The following CDH13 variants were observed in gnomAD, a reference collection of about 807,000 sequenced individuals.
The protein encoded by CDH13 is cadherin 13.
In CDH13, 24 loss-of-function variants were observed where a neutral mutation model predicts 63.8. The ratio of observed to expected loss-of-function variants is 0.38; its 90% confidence interval spans 0.27 to 0.53. The LOEUF is 0.53. CDH13 is among the 20% of genes least tolerant of loss of function. CDH13 has a pLI of 0.85. For missense variants in CDH13, 1,049 were observed against 903.1 expected, an observed-to-expected ratio of 1.16 and a Z score of -2.07; for synonymous variants, 503 against 355.3, an observed-to-expected ratio of 1.42 and a Z score of -4.67.
chr16:83,481,614 C>T (rs1318250444), intron 6 of CDH13, among the ~76,000 whole-genome samples: 1 of 152,214 alleles, frequency 6.6e-6, no homozygotes, highest in African/African-American at 2.4e-5. Flanking sequence ...GTCAGGCTGG[C>T]GGCCGTGTCC....
chr16:83,731,308 G>C lies in CDH13; in HGVS notation c.1539-16800G>C, dbSNP rs575853780. 2.0e-5 allele frequency among the ~76,000 whole-genome samples: 3 copies of C among 147,548 alleles called. No homozygotes were observed. In the South Asian group the frequency reaches 6.7e-4, roughly 33 times the overall value. ...AGTGTATAAGAGTTCCCTTTTCTCTGTAACCTGGGCAGCATCTGTCATTTT... is the reference window on the plus strand; with the variant it reads ...AGTGTATAAGAGTTCCCTTTTCTCTCTAACCTGGGCAGCATCTGTCATTTT... On this transcript the variant is annotated intron_variant, in intron 10 of 13. Transcript: ENST00000567109.
intron 10 of CDH13, among the ~76,000 whole-genome samples, chr16:83,712,004 T>C (rs1019573757): frequency 4.6e-5 from 7 of 152,236 alleles, no homozygotes; most frequent in Admixed American, 3.3e-4. Flanking sequence ...GGCTTGTAGA[T>C]GGCTGTCTTC....
chr16:83,228,284 G>A (rs531051332), intron 5 of CDH13, among the ~76,000 whole-genome samples: 1 of 152,308 alleles, frequency 6.6e-6, no homozygotes, highest in Non-Finnish European at 1.5e-5. Flanking sequence ...GCTGTGCACA[G>A]GACAGTCCCC....
chr16:83,683,584 C>G (rs1598472998), intron 10 of CDH13, among the ~76,000 whole-genome samples: 1 of 152,276 alleles, frequency 6.6e-6, no homozygotes, highest in Non-Finnish European at 1.5e-5. Flanking sequence ...GCTATTATTC[C>G]ATTACAGGGA....
intron 11 of CDH13, among the ~76,000 whole-genome samples, chr16:83,757,223 G>A (rs1337500238): frequency 6.6e-6 from 1 of 152,160 alleles, no homozygotes; most frequent in African/African-American, 2.4e-5. Context: ...CTTGTGGGAT[G>A]CACTAAACCA....
At chr16:82,806,382 G>A (rs62036827) in intron 1 of CDH13, among the ~76,000 whole-genome samples, 23,242 of 152,180 alleles carry the variant, frequency 0.15, 2,235 homozygotes, top group East Asian at 0.36. Context: ...GGTACAAAAC[G>A]TATACCAGAC....
rs545808498 is a variant in CDH13 at position 82,924,574 on chromosome 16, G to A, written c.157+66101G>A. 2.6e-5 allele frequency among the ~76,000 whole-genome samples: 4 copies of A among 152,194 alleles called. No individual in the cohort carries two copies. The South Asian group carries it at 6.2e-4, about 24-fold the overall frequency. On this transcript the variant is annotated intron_variant, in intron 2 of 13. Transcript: ENST00000567109. The stretch of plus-strand genomic sequence containing the variant: ...ATCTGTGTTGTCAATCGTGTCTTGA[G>A]GTTATTCTAGCACCTTACGAAAAGC...
At position 82,953,606 on chromosome 16, in the gene CDH13, A is replaced by G. The variant is rs890202759; in HGVS notation, c.158-78404A>G. ...TGGTTGGCAGTTATATGTGCCTTTG[A>G]TTAATAAAACATGGGTGAGAAAATA... On this transcript the variant is annotated intron_variant, in intron 2 of 13. Coordinates refer to ENST00000567109, the MANE Select transcript of CDH13 (RefSeq NM_001257.5). 4 of 152,332 alleles carry G rather than the reference A, an allele frequency of 2.6e-5. No individual in the cohort carries two copies. In the East Asian group the frequency reaches 7.7e-4, roughly 29 times the overall value. 9.4% of individuals were successfully genotyped at this position (152,332 alleles called of 1,614,324 possible).
chr16:83,214,418 A>G (rs891188810), intron 4 of CDH13, among the ~76,000 whole-genome samples: 5 of 151,796 alleles, frequency 3.3e-5, no homozygotes, highest in African/African-American at 1.2e-4. Context: ...CATCTCTACT[A>G]AAAATATAAA....
intron 1 of CDH13, among the ~76,000 whole-genome samples, chr16:82,673,250 C>A (rs1261795674): frequency 6.6e-6 from 1 of 152,046 alleles, no homozygotes; most frequent in Non-Finnish European, 1.5e-5. Flanking sequence ...TTTTGTTTCT[C>A]TTCTCAGCCG....
At chr16:83,015,703 A>ATATG (rs1914715124) in intron 2 of CDH13, among the ~76,000 whole-genome samples, 1 of 118,856 alleles carries the variant, frequency 8.4e-6, no homozygotes, top group Non-Finnish European at 1.8e-5. Flanking sequence ...ATATATATAT[A>ATATG]TATATATATA....
chr16:83,291,779 C>T (rs2089472032), intron 5 of CDH13, among the ~76,000 whole-genome samples: 1 of 152,094 alleles, frequency 6.6e-6, no homozygotes, highest in Non-Finnish European at 1.5e-5. Context: ...GGGACTTTTG[C>T]CTGAATTATT....
chr16:83,521,415 G>C (rs77894924), intron 7 of CDH13, among the ~76,000 whole-genome samples: 1 of 151,996 alleles, frequency 6.6e-6, no homozygotes, highest in South Asian at 2.1e-4. Flanking sequence ...GAGTAGTAGC[G>C]GCCAGGTGAC....
At chr16:83,153,007 C>A (rs144933770) in intron 4 of CDH13, among the ~76,000 whole-genome samples, 1 of 152,298 alleles carries the variant, frequency 6.6e-6, no homozygotes, top group South Asian at 2.1e-4. Flanking sequence ...AAGCCGTAAC[C>A]GCTTAGTGGG....
At chr16:83,394,935 G>T (rs758798202) in intron 6 of CDH13, among the ~76,000 whole-genome samples, 18 of 152,054 alleles carry the variant, frequency 1.2e-4, no homozygotes, top group Non-Finnish European at 1.9e-4. Context: ...ATCACCTGTG[G>T]TCAGGTGTTT....
At chr16:83,031,600 T>C (rs754846148) in intron 2 of CDH13, among the ~76,000 whole-genome samples, 10 of 151,948 alleles carry the variant, frequency 6.6e-5, no homozygotes, top group Non-Finnish European at 1.3e-4. Context: ...CTCCTACTTA[T>C]CTTCAATACC....
At chr16:82,639,489 G>C (rs115056752) in intron 1 of CDH13, 53 of 1,457,618 alleles carry the variant, frequency 3.6e-5, no homozygotes, top group African/African-American at 1.7e-4. Flanking sequence ...CTGCTGTGTC[G>C]TGTGGCTGGA....
chr16:83,365,130 A>G (rs1292208006), intron 6 of CDH13, among the ~76,000 whole-genome samples: 5 of 152,240 alleles, frequency 3.3e-5, no homozygotes, highest in Admixed American at 6.5e-5. Context: ...ATCTGCAGTC[A>G]GTAGCTGGAG....
At chr16:83,334,938 A>G (rs977961396) in intron 5 of CDH13, among the ~76,000 whole-genome samples, 1 of 152,192 alleles carries the variant, frequency 6.6e-6, no homozygotes, top group Non-Finnish European at 1.5e-5. Flanking sequence ...TAATATATTC[A>G]TATGTAAGGA....
Sources: gnomAD v4.1 joint callset for allele counts (sites outside exome capture counted in the v4.1 genomes callset) on GRCh38, gnomAD v4.1.1 for gene constraint, MANE v1.5 for transcripts, NCBI Gene and HGNC (gene_info 2026-07-23, HGNC 2026-07-21) for gene names.